The following SEMA3A variants were observed in gnomAD, a reference collection of about 807,000 sequenced individuals.
The protein encoded by SEMA3A is semaphorin-3A.
A neutral mutation model predicts 97.9 loss-of-function variants in SEMA3A; 29 were observed. That is an observed-to-expected ratio of 0.30 (90% CI 0.22 to 0.40). The LOEUF is 0.40. SEMA3A is among the 10% of genes least tolerant of loss of function. The pLI, the probability that SEMA3A is intolerant of heterozygous loss-of-function variation, is 1.00. For missense variants in SEMA3A, 763 were observed against 951.3 expected, an observed-to-expected ratio of 0.80 and a Z score of 2.60; for synonymous variants, 321 against 323.7, an observed-to-expected ratio of 0.99 and a Z score of 0.09.
intron 1 of SEMA3A, among the ~76,000 whole-genome samples, chr7:84,148,703 C>G (rs1173316601): frequency 6.6e-6 from 1 of 152,108 alleles, no homozygotes; most frequent in African/African-American, 2.4e-5. Flanking sequence ...TTTCTTCTAC[C>G]TCTGCCACCC....
At chr7:84,234,993 T>A (rs1029579619) in intron 3 of SEMA3A, among the ~76,000 whole-genome samples, 4 of 152,174 alleles carry the variant, frequency 2.6e-5, no homozygotes, top group African/African-American at 9.6e-5. Flanking sequence ...GCATGTGGCA[T>A]AAGGGGAAAC....
At chr7:84,065,928 G>A (rs1246889721) in intron 4 of SEMA3A, among the ~76,000 whole-genome samples, 1 of 151,592 alleles carries the variant, frequency 6.6e-6, no homozygotes, top group East Asian at 1.9e-4. Context: ...TATGAGGCCA[G>A]CATCATTCTG....
At chr7:83,963,818 T>C (rs1274809442) in intron 15 of SEMA3A, among the ~76,000 whole-genome samples, 2 of 152,198 alleles carry the variant, frequency 1.3e-5, no homozygotes, top group African/African-American at 4.8e-5. Flanking sequence ...TTTTTATCTG[T>C]AAAATTAAAT....
chr7:84,170,291 AAAAGTT>A (rs1217170466), intron 1 of SEMA3A, among the ~76,000 whole-genome samples: 1 of 152,058 alleles, frequency 6.6e-6, no homozygotes, highest in Non-Finnish European at 1.5e-5. Flanking sequence ...TTTAGAAAGT[AAAAGTT>A]ACTTTTGTAA....
chr7:84,040,995 T>G (rs550593182), intron 6 of SEMA3A, among the ~76,000 whole-genome samples: 44 of 152,188 alleles, frequency 2.9e-4, no homozygotes, highest in African/African-American at 8.4e-4. Context: ...AATTCAAAAT[T>G]TTCTGCCTAT....
chr7:84,243,438 G>T (rs1053573001), intron 3 of SEMA3A, among the ~76,000 whole-genome samples: 3 of 152,142 alleles, frequency 2.0e-5, no homozygotes, highest in Admixed American at 6.5e-5. Context: ...TTGCGTAGAG[G>T]TGTTTACAGT....
At chr7:84,293,235 TCCG>T (rs1204832554) in intron 3 of SEMA3A, among the ~76,000 whole-genome samples, 5 of 152,084 alleles carry the variant, frequency 3.3e-5, no homozygotes, top group African/African-American at 1.2e-4. Flanking sequence ...AGTTGTTTTA[TCCG>T]TACCCTATGC....
chr7:84,138,585 C>A (rs1167507767), intron 1 of SEMA3A, among the ~76,000 whole-genome samples: 1 of 151,992 alleles, frequency 6.6e-6, no homozygotes, highest in Non-Finnish European at 1.5e-5. Context: ...TGAAAACAAA[C>A]CACAGTTTTA....
intron 3 of SEMA3A, among the ~76,000 whole-genome samples, chr7:84,280,818 A>C (rs1800423539): frequency 6.6e-6 from 1 of 152,106 alleles, no homozygotes; most frequent in Admixed American, 6.6e-5. Context: ...TATAGAAATA[A>C]TAATATAAAA....
At chr7:84,018,074 A>G (rs1005750656) in intron 6 of SEMA3A, among the ~76,000 whole-genome samples, 1 of 152,198 alleles carries the variant, frequency 6.6e-6, no homozygotes, top group Non-Finnish European at 1.5e-5. Flanking sequence ...TAGATTTATT[A>G]TCAACAACTG....
chr7:84,008,241 C>T lies in SEMA3A; in HGVS notation c.996-744G>A, dbSNP rs1790743746. Among the ~76,000 whole-genome samples, 5 of 152,220 alleles carry T rather than the reference C, an allele frequency of 3.3e-5. No individual in the cohort carries two copies. In the South Asian group the frequency reaches 6.2e-4, roughly 19 times the overall value. On this transcript the variant is annotated intron_variant, in intron 9 of 16. Transcript: ENST00000265362. ...GCGCGGTGGCTCAAGCCTGTAATAC[C>T]GGCACTTTGGGAGGCCAAGGCGGGC...
At chr7:84,453,568 T>C (rs984842101) in intron 1 of SEMA3A, among the ~76,000 whole-genome samples, 2 of 152,234 alleles carry the variant, frequency 1.3e-5, no homozygotes, top group East Asian at 1.9e-4. Context: ...ATAGAGACAA[T>C]GCATCCTGAT....
chr7:84,310,526 T>G (rs576518431), intron 2 of SEMA3A, among the ~76,000 whole-genome samples: 2 of 152,112 alleles, frequency 1.3e-5, no homozygotes, highest in African/African-American at 4.8e-5. Flanking sequence ...CTATTACAAA[T>G]AGATGATAAT....
In SEMA3A at chr7:83,959,712, G is replaced by C. The variant is rs1008603147; in HGVS notation, c.*1659C>G. The C allele has an allele frequency of 6.6e-6, 1 of 152,058 alleles. No individual in the cohort carries two copies. Among genetic ancestry groups the C allele is most frequent in the Non-Finnish European group, 1.5e-5 (1 of 67,934 alleles). 9.4% of individuals were successfully genotyped at this position (152,058 alleles called of 1,614,324 possible). A position where few individuals can be genotyped will look rare whatever the true frequency, so the allele number is the denominator to read the frequency against. On this transcript the variant is annotated 3_prime_UTR_variant, in exon 17 of 17. Coordinates refer to ENST00000265362, the MANE Select transcript of SEMA3A (RefSeq NM_006080.3). ...CAGCTAGAGTTAGAATTTCAATGTT[G>C]CTTCATTAATTACTAATAAGATGTT...
intron 4 of SEMA3A, among the ~76,000 whole-genome samples, chr7:84,097,854 T>A (rs1306310734): frequency 6.6e-6 from 1 of 152,106 alleles, no homozygotes; most frequent in Admixed American, 6.6e-5. Flanking sequence ...GCATTCGATT[T>A]TTTAAAGCAA....
intron 12 of SEMA3A, among the ~76,000 whole-genome samples, chr7:83,991,179 G>T (rs1789909601): frequency 6.6e-6 from 1 of 151,548 alleles, no homozygotes; most frequent in South Asian, 2.1e-4. Flanking sequence ...TGTATCCTGA[G>T]ACTTTGCTGA....
At chr7:84,066,811 AG>A (rs1427164705) in intron 4 of SEMA3A, among the ~76,000 whole-genome samples, 1 of 152,148 alleles carries the variant, frequency 6.6e-6, no homozygotes, top group Non-Finnish European at 1.5e-5. Context: ...GCTCATGGGT[AG>A]GAAGAATCAA....
At chr7:84,309,643 T>C (rs1801264373) in intron 2 of SEMA3A, among the ~76,000 whole-genome samples, 1 of 152,206 alleles carries the variant, frequency 6.6e-6, no homozygotes, top group African/African-American at 2.4e-5. Context: ...TGTGGGCTTC[T>C]TTCTGACATA....
chr7:84,276,255 C>G (rs1800292268), intron 3 of SEMA3A, among the ~76,000 whole-genome samples: 1 of 152,060 alleles, frequency 6.6e-6, no homozygotes, highest in Non-Finnish European at 1.5e-5. Flanking sequence ...TGAACAAAGT[C>G]TCATTGAACA....
Sources: allele counts gnomAD v4.1 joint callset (sites outside exome capture counted in the v4.1 genomes callset), GRCh38; gene constraint gnomAD v4.1.1; transcripts MANE v1.5; gene names NCBI Gene and HGNC (gene_info 2026-07-23, HGNC 2026-07-21).